Variants in SRPK1 observed in about 807,000 individuals in gnomAD.
SRPK1 encodes the protein SRSF protein kinase 1.
In SRPK1, 52 loss-of-function variants were observed where a neutral mutation model predicts 89.5. The observed-to-expected ratio is 0.58, with a 90% CI of 0.46 to 0.73. SRPK1 has a LOEUF of 0.73. Ranked by LOEUF, SRPK1 falls within the 30% of genes least tolerant of loss-of-function variation. The pLI, the probability that SRPK1 is intolerant of heterozygous loss-of-function variation, is 0.00. For missense variants in SRPK1, 603 were observed against 780.6 expected (o/e 0.77, Z 2.71); for synonymous variants, 255 against 270.2 (o/e 0.94, Z 0.55).
chr6:35,896,849 G>A (rs951979683), intron 2 of SRPK1, among the ~76,000 whole-genome samples: 11 of 152,126 alleles, frequency 7.2e-5, no homozygotes, highest in East Asian at 3.8e-4. Context: ...ACTGCTGAGC[G>A]GATAAACAAA....
chr6:35,908,552 G>T (rs912755027), intron 2 of SRPK1, among the ~76,000 whole-genome samples: 4 of 152,158 alleles, frequency 2.6e-5, no homozygotes. Flanking sequence ...ACATGACCTG[G>T]GTTATTCTGA....
intron 13 of SRPK1, among the ~76,000 whole-genome samples, chr6:35,850,548 CA>C (rs745441507): frequency 7.9e-5 from 12 of 152,144 alleles, no homozygotes; most frequent in Non-Finnish European, 1.6e-4. Flanking sequence ...CACTCACTTC[CA>C]GCTTTAAAAG....
At chr6:35,868,056 T>A (rs898148974) in intron 12 of SRPK1, among the ~76,000 whole-genome samples, 2 of 152,064 alleles carry the variant, frequency 1.3e-5, no homozygotes, top group Admixed American at 6.6e-5. Context: ...CGCCGAAACC[T>A]CTGCCTGCCA....
At chr6:35,866,850 T>C (rs1769915695) in intron 12 of SRPK1, among the ~76,000 whole-genome samples, 2 of 152,112 alleles carry the variant, frequency 1.3e-5, no homozygotes, top group South Asian at 4.1e-4. Flanking sequence ...AAGAATGAAA[T>C]CATGTGTTTT....
rs1769130708 is a variant in SRPK1, at chr6:35,834,376, T to A, written c.*928A>T. On this transcript the variant is annotated 3_prime_UTR_variant, in exon 16 of 16. Transcript: ENST00000373825. ...GACTGTTTGGAAAAGAATCAGAATC[T>A]CAAGATCTATTTTTCTTAAATGGGA... is the stretch of plus-strand genomic sequence containing the variant. 1 of 152,242 alleles carries A rather than the reference T, an allele frequency of 6.6e-6. No homozygotes were observed. The highest frequency in any genetic ancestry group is 2.4e-5 in the African/African-American group (1 of 41,544). 9.4% of individuals were successfully genotyped at this position (152,242 alleles called of 1,614,324 possible). A position where few individuals can be genotyped will look rare whatever the true frequency, so the allele number is the denominator to read the frequency against.
In SRPK1 at chr6:35,921,063, A is replaced by C. The variant is rs1489660127; in HGVS notation, c.-7T>G. 24 of 1,531,424 alleles carry C rather than the reference A, an allele frequency of 1.6e-5. No individual in the cohort carries two copies. The highest frequency in any genetic ancestry group is 2.1e-5 in the Non-Finnish European group (24 of 1,140,304). The allele number at this position is 1,531,424 out of a possible 1,614,324, so 94.9% of individuals were successfully genotyped here. A position where few individuals can be genotyped will look rare whatever the true frequency, so the allele number is the denominator to read the frequency against. On this transcript the variant is annotated 5_prime_UTR_variant, in exon 1 of 16. Transcript: ENST00000373825. ...GCTCACCTTTCCGCTCCATGGTGAGACCGGTAATCGCCAGGCGCCTGCGCA... is the reference window on the plus strand; with the variant it reads ...GCTCACCTTTCCGCTCCATGGTGAGCCCGGTAATCGCCAGGCGCCTGCGCA...
Position 35,921,093 on chromosome 6 carries a change from A to G in SRPK1, c.-37T>C. On this transcript the variant is annotated 5_prime_UTR_variant, in exon 1 of 16. Transcript: ENST00000373825. Reference sequence around the variant, plus strand: ...TAATCGCCAGGCGCCTGCGCACTCGAGTGGCGGCGACTCCCGCTCCCGCCG... The same window carrying G: ...TAATCGCCAGGCGCCTGCGCACTCGGGTGGCGGCGACTCCCGCTCCCGCCG... 1 of 1,473,366 alleles carries G rather than the reference A, an allele frequency of 6.8e-7. No homozygotes were observed. Among genetic ancestry groups the G allele is most frequent in the Non-Finnish European group, 9.0e-7 (1 of 1,106,816 alleles). 91.3% of individuals were successfully genotyped at this position (1,473,366 alleles called of 1,614,324 possible). A position where few individuals can be genotyped will look rare whatever the true frequency, so the allele number is the denominator to read the frequency against.
chr6:35,896,971 T>C (rs1285260668), intron 2 of SRPK1, among the ~76,000 whole-genome samples: 1 of 152,142 alleles, frequency 6.6e-6, no homozygotes, highest in Non-Finnish European at 1.5e-5. Context: ...GACCACATAA[T>C]CCTAAGATTT....
At position 35,920,569 on chromosome 6, in the gene SRPK1, A is replaced by G. The variant is rs200745553; in HGVS notation, c.14-41T>C. 3.7e-6 allele frequency: 6 copies of G among 1,601,134 alleles called. No individual in the cohort carries two copies. In the African/African-American group the frequency reaches 8.0e-5, roughly 21 times the overall value. ...ATGGATGAAGGGCGAATGTGGAGGA[A>G]AGGAGGCGACCAAGGTGAGGGTGGA... On this transcript the variant is annotated intron_variant, in intron 1 of 15. Coordinates refer to ENST00000373825, the MANE Select transcript of SRPK1 (RefSeq NM_003137.5).
At chr6:35,920,899 G>C (rs1771223110) in intron 1 of SRPK1, 145 bp downstream of exon 1, 1 of 836,560 alleles carries the variant, frequency 1.2e-6, no homozygotes, top group East Asian at 3.3e-5. Flanking sequence ...CCAGAGGCAG[G>C]GGGTGTGGGG....
chr6:35,890,883 T>G lies in SRPK1; in HGVS notation c.193+12A>C. 8.4e-6 allele frequency: 13 copies of G among 1,545,262 alleles called. No homozygotes were observed. Among genetic ancestry groups the G allele is most frequent in the Non-Finnish European group, 1.0e-5 (12 of 1,145,148 alleles). On this transcript the variant is annotated intron_variant, in intron 3 of 15. Transcript: ENST00000373825. ...GGCTCATGTCTCACTTCATACCTCT[T>G]TATGAACTTACCTTTACAATAATCA...
chr6:35,894,650 G>T (rs1770593078), intron 2 of SRPK1, among the ~76,000 whole-genome samples: 1 of 152,104 alleles, frequency 6.6e-6, no homozygotes, highest in South Asian at 2.1e-4. Context: ...AAAAAAGCTA[G>T]AAGGGCAGTA....
In SRPK1 at chr6:35,834,153, C is replaced by T. The variant is rs1409880058; in HGVS notation, c.*1151G>A. On this transcript the variant is annotated 3_prime_UTR_variant, in exon 16 of 16. Transcript: ENST00000373825. ...ATGGCTAATCTTAAAAAATAACGAA[C>T]CAACCAACCAAAAAACAAAACAAAA... The T allele has an allele frequency of 6.6e-6, 1 of 152,284 alleles. No homozygotes were observed. The highest frequency in any genetic ancestry group is 1.5e-5 in the Non-Finnish European group (1 of 67,964). 9.4% of individuals were successfully genotyped at this position (152,284 alleles called of 1,614,324 possible).
intron 2 of SRPK1, among the ~76,000 whole-genome samples, chr6:35,904,697 G>A (rs1275928792): frequency 1.3e-5 from 2 of 152,036 alleles, no homozygotes; most frequent in African/African-American, 2.4e-5. Flanking sequence ...TACTCGGGAG[G>A]CTAAGGCAGG....
intron 13 of SRPK1, among the ~76,000 whole-genome samples, chr6:35,854,339 T>C (rs942613925): frequency 1.3e-5 from 2 of 152,186 alleles, no homozygotes; most frequent in African/African-American, 4.8e-5. Flanking sequence ...TCATTACCTC[T>C]CAGAGAGGGT....
intron 2 of SRPK1, among the ~76,000 whole-genome samples, chr6:35,903,098 G>A (rs924470984): frequency 2.6e-5 from 4 of 151,866 alleles, no homozygotes; most frequent in African/African-American, 9.7e-5. Flanking sequence ...AGGCAACACA[G>A]TGAGACCCTG....
intron 9 of SRPK1, 82 bp downstream of exon 9, chr6:35,870,852 C>T (rs1298848677): frequency 8.1e-7 from 1 of 1,231,126 alleles, no homozygotes; most frequent in Non-Finnish European, 1.1e-6. Flanking sequence ...AAACTTGAAA[C>T]AAACTGTTAC....
At chr6:35,917,494 C>T (rs143409181) in intron 2 of SRPK1, among the ~76,000 whole-genome samples, 155 of 152,292 alleles carry the variant, frequency 1.0e-3, no homozygotes, top group African/African-American at 3.6e-3. Flanking sequence ...AATAAAAGCA[C>T]AGCGTCCACA....
At chr6:35,840,282 G>A (rs1012773979) in intron 14 of SRPK1, among the ~76,000 whole-genome samples, 1 of 152,180 alleles carries the variant, frequency 6.6e-6, no homozygotes. Flanking sequence ...ATGTAAAGGA[G>A]TTAGTGGTGT....
Sources: gnomAD v4.1 joint callset for allele counts (sites outside exome capture counted in the v4.1 genomes callset) on GRCh38, gnomAD v4.1.1 for gene constraint, MANE v1.5 for transcripts, NCBI Gene and HGNC (gene_info 2026-07-23, HGNC 2026-07-21) for gene names.